Variants in NCBP1 observed in about 807,000 individuals in gnomAD.
NCBP1 encodes nuclear cap binding protein subunit 1.
A neutral mutation model predicts 111.7 loss-of-function variants in NCBP1; 16 were observed. The observed-to-expected ratio is 0.14, with a 90% CI of 0.10 to 0.22. NCBP1 has a LOEUF of 0.22. Among genes scored for constraint, NCBP1 ranks in the 10% least tolerant of loss-of-function variants. NCBP1 has a pLI of 1.00. For missense variants in NCBP1, 607 were observed against 957.5 expected (o/e 0.63, Z 4.83); for synonymous variants, 304 against 314.3 (o/e 0.97, Z 0.35).
intron 17 of NCBP1, among the ~76,000 whole-genome samples, 170 bp downstream of exon 17, chr9:97,662,314 G>A (rs147514012): frequency 4.6e-5 from 7 of 152,294 alleles, no homozygotes; most frequent in Admixed American, 2.6e-4. Context: ...TAAGGCTTCC[G>A]TCAGTCTGTT....
At chr9:97,653,633 T>G (rs1827559938) in intron 10 of NCBP1, among the ~76,000 whole-genome samples, 165 bp from the exon 11 acceptor site, 1 of 152,006 alleles carries the variant, frequency 6.6e-6, no homozygotes, top group African/African-American at 2.4e-5. Context: ...GTTTTCAGTT[T>G]TAGATTTTTG....
intron 22 of NCBP1, among the ~76,000 whole-genome samples, chr9:97,670,820 A>T (rs948090848): frequency 6.6e-6 from 1 of 152,240 alleles, no homozygotes; most frequent in Non-Finnish European, 1.5e-5. Context: ...CACTGCTGCC[A>T]CTGCCTTGAA....
chr9:97,670,748 A>G (rs1284695464), intron 22 of NCBP1, among the ~76,000 whole-genome samples: 4 of 152,196 alleles, frequency 2.6e-5, no homozygotes, highest in African/African-American at 4.8e-5. Context: ...ACAATGTATT[A>G]TGCCCTGACT....
chr9:97,657,111 C>T (rs544490517), intron 14 of NCBP1, among the ~76,000 whole-genome samples: 3 of 152,276 alleles, frequency 2.0e-5, no homozygotes, highest in Non-Finnish European at 2.9e-5. Flanking sequence ...GGACTACAGG[C>T]GCCCGCCACC....
At chr9:97,636,538 GTT>G (rs1048013584) in intron 1 of NCBP1, among the ~76,000 whole-genome samples, 46 of 133,938 alleles carry the variant, frequency 3.4e-4, no homozygotes, top group African/African-American at 1.2e-3. Context: ...TATTATATAA[GTT>G]TGTTTATTAT....
chr9:97,643,780 T>C (rs1285530076), intron 4 of NCBP1, among the ~76,000 whole-genome samples: 1 of 152,132 alleles, frequency 6.6e-6, no homozygotes, highest in Non-Finnish European at 1.5e-5. Flanking sequence ...CTAATTTCTC[T>C]CAAGTCTGTC....
chr9:97,662,291 G>A (rs73498380), intron 17 of NCBP1, 147 bp downstream of exon 17: 29,467 of 601,650 alleles, frequency 0.049, 4,240 homozygotes, highest in African/African-American at 0.36. Context: ...TGTGGTAGCT[G>A]AAATCCATAT....
chr9:97,652,335 G>A (rs1226095488), intron 10 of NCBP1, among the ~76,000 whole-genome samples: 1 of 152,158 alleles, frequency 6.6e-6, no homozygotes. Context: ...AAGTATTCAT[G>A]GGCCAGGCTT....
intron 1 of NCBP1, chr9:97,634,371 C>T (rs1353321103): frequency 1.2e-5 from 2 of 162,566 alleles, no homozygotes; most frequent in Non-Finnish European, 1.3e-5. Context: ...AACTCTGTTC[C>T]GGTAGTGGTT....
Position 97,669,669 on chromosome 9 carries a change from A to G in NCBP1, c.2222A>G (p.Lys741Arg). ...ACCAGTGTATTAACACCATGGTATA[A>G]GAACTGTATAGAGAGGCTGCAGCAG... ...DGTSVLTPWY[K>R]NCIERLQQIF... The change falls in exon 22 of 23, where the codon AAG becomes AGG. Residue 741 changes from lysine to arginine, a missense_variant. By Grantham distance (26) the Lys-to-Arg change is conservative (BLOSUM62 2). Transcript: ENST00000375147. 1 of 1,610,388 alleles carries G rather than the reference A, an allele frequency of 6.2e-7. No homozygotes were observed. Among genetic ancestry groups the G allele is most frequent in the African/African-American group, 1.3e-5 (1 of 74,952 alleles).
chr9:97,633,914 C>T lies in NCBP1; in HGVS notation c.33C>T (p.Asp11=). 6.3e-7 allele frequency: 1 copy of T among 1,587,982 alleles called. No homozygotes were observed. Among genetic ancestry groups the T allele is most frequent in the South Asian group, 1.1e-5 (1 of 88,848 alleles). ...GGCGGCGGCACAGCGACGAGAACGA[C>T]GGTGAGTGCCTGCGGCCCGGCCACG... MSRRRHSDEN[D]GGQPHKRRKT... The change falls in exon 1 of 23, where the codon GAC becomes GAT. Residue 11 remains aspartate (D), a splice_region_variant and synonymous_variant. Transcript: ENST00000375147.
At chr9:97,658,185 CTG>C (rs1159639992) in intron 14 of NCBP1, among the ~76,000 whole-genome samples, 1 of 152,102 alleles carries the variant, frequency 6.6e-6, no homozygotes, top group African/African-American at 2.4e-5. Flanking sequence ...CCATCCATAA[CTG>C]TTTTTATGTC....
At chr9:97,667,131 C>G in intron 20 of NCBP1, among the ~76,000 whole-genome samples, 1 of 152,116 alleles carries the variant, frequency 6.6e-6, no homozygotes, top group Non-Finnish European at 1.5e-5. Flanking sequence ...TTCACTATCT[C>G]TGGGTCGGCC....
intron 8 of NCBP1, 24 bp from the exon 9 acceptor site, chr9:97,650,479 G>T (rs190328635): frequency 8.4e-6 from 13 of 1,551,854 alleles, no homozygotes; most frequent in South Asian, 1.1e-5. Context: ...GGCCTGTAGT[G>T]TACACATTTG....
intron 16 of NCBP1, 50 bp from the exon 17 acceptor site, chr9:97,661,992 A>G: frequency 7.5e-7 from 1 of 1,328,866 alleles, no homozygotes; most frequent in Non-Finnish European, 1.1e-6. Flanking sequence ...TAAGGCACCA[A>G]GGAATTGCTG....
chr9:97,645,333 A>G (rs1827305731), intron 5 of NCBP1, 109 bp downstream of exon 5: 1 of 892,656 alleles, frequency 1.1e-6, no homozygotes, highest in African/African-American at 1.7e-5. Context: ...TTAGCAATAA[A>G]GAAAAAAATA....
intron 5 of NCBP1, 67 bp downstream of exon 5, chr9:97,645,291 T>A (rs1827304526): frequency 1.6e-6 from 2 of 1,227,514 alleles, no homozygotes; most frequent in Non-Finnish European, 2.4e-6. Context: ...GGTACTTCCA[T>A]ATAGTACCAG....
chr9:97,658,564 T>C (rs1827738301), intron 14 of NCBP1, 76 bp from the exon 15 acceptor site: 1 of 1,117,264 alleles, frequency 9.0e-7, no homozygotes, highest in Admixed American at 1.8e-5. Flanking sequence ...AGATCATGAC[T>C]TTCCAGGTAA....
chr9:97,663,217 CT>C (rs1827890730), intron 18 of NCBP1, among the ~76,000 whole-genome samples, 170 bp downstream of exon 18: 1 of 152,090 alleles, frequency 6.6e-6, no homozygotes, highest in South Asian at 2.1e-4. Context: ...TTCATTCATT[CT>C]TGAAAGAGTA....
Sources: gnomAD v4.1 joint callset for allele counts (sites outside exome capture counted in the v4.1 genomes callset) on GRCh38, gnomAD v4.1.1 for gene constraint, MANE v1.5 for transcripts, NCBI Gene and HGNC (gene_info 2026-07-23, HGNC 2026-07-21) for gene names.